NTM: variants seen among roughly 807,000 people sequenced by gnomAD.
The protein encoded by NTM is IgLON family member 2.
Under a neutral mutation model 42.1 loss-of-function variants are expected in NTM, and 13 were observed. The observed-to-expected ratio is 0.31, with a 90% confidence interval of 0.20 to 0.49. The LOEUF (loss-of-function observed/expected upper bound fraction) is 0.49. Among genes scored for constraint, NTM ranks in the 20% least tolerant of loss-of-function variants. The pLI, the probability that NTM is intolerant of heterozygous loss-of-function variation, is 0.99. For missense variants in NTM, 373 were observed against 452.8 expected (o/e 0.82, Z 1.60); for synonymous variants, 187 against 179.2 (o/e 1.04, Z -0.35).
chr11:132,236,465 A>T (rs2088920485), intron 4 of NTM, among the ~76,000 whole-genome samples: 1 of 152,164 alleles, frequency 6.6e-6, no homozygotes, highest in Non-Finnish European at 1.5e-5. Context: ...TCCAATTGTA[A>T]CTTGGGAGGA....
rs79530564 is a variant in NTM, at chr11:132,166,360, A to C, written c.400+19846A>C. Among the ~76,000 whole-genome samples, 281 of 152,254 alleles carry C rather than the reference A, an allele frequency of 1.8e-3. 5 individuals are homozygous for C. In the East Asian group the frequency reaches 0.052, roughly 28 times the overall value. On this transcript the variant is annotated intron_variant, in intron 3 of 8. Coordinates refer to ENST00000683400, the MANE Select transcript of NTM (RefSeq NM_001352005.2). ...GTCTGTTGCAGAAACCTCACCCACG[A>C]TAATCTAGAGATGGGTATGAATTAA... is the stretch of plus-strand genomic sequence containing the variant.
At chr11:131,775,968 T>G (rs943250308) in intron 1 of NTM, among the ~76,000 whole-genome samples, 4 of 152,172 alleles carry the variant, frequency 2.6e-5, no homozygotes, top group Admixed American at 6.5e-5. Context: ...GCTCATTGTG[T>G]TTCCAGCATC....
At chr11:131,411,576 TGTGTG>T (rs1946426519) in intron 1 of NTM, among the ~76,000 whole-genome samples, 1 of 148,858 alleles carries the variant, frequency 6.7e-6, no homozygotes, top group Non-Finnish European at 1.5e-5. Context: ...TGTGTGTGTG[TGTGTG>T]TGTGTGTACT....
At chr11:131,856,928 C>G (rs73583986) in intron 1 of NTM, among the ~76,000 whole-genome samples, 5,374 of 152,220 alleles carry the variant, frequency 0.035, 303 homozygotes, top group African/African-American at 0.12. Context: ...GGGCTGGCAG[C>G]CAGGTATACA....
At chr11:132,300,330 A>G (rs2094798014) in intron 4 of NTM, among the ~76,000 whole-genome samples, 1 of 152,214 alleles carries the variant, frequency 6.6e-6, no homozygotes, top group South Asian at 2.1e-4. Context: ...CTTTACTCAT[A>G]TTTAGTCATT....
chr11:131,553,821 G>C (rs904227519), intron 1 of NTM, among the ~76,000 whole-genome samples: 1 of 152,146 alleles, frequency 6.6e-6, no homozygotes, highest in African/African-American at 2.4e-5. Context: ...CCCATCACCT[G>C]TAAAGTCAAG....
intron 2 of NTM, among the ~76,000 whole-genome samples, chr11:132,092,801 A>C (rs2060524387): frequency 6.6e-6 from 1 of 152,230 alleles, no homozygotes; most frequent in African/African-American, 2.4e-5. Context: ...CCTTGCCAAG[A>C]GGATAAAACC....
At position 132,193,503 on chromosome 11, in the gene NTM, A is replaced by G. The variant is rs372982407; in HGVS notation, c.401-18519A>G. ...AAAAATAGATCAGAATATTTGGGACATAGTTAAACAGTGTTAAAAGGAAAG... is the reference window on the plus strand; with the variant it reads ...AAAAATAGATCAGAATATTTGGGACGTAGTTAAACAGTGTTAAAAGGAAAG... On this transcript the variant is annotated intron_variant, in intron 3 of 8. Transcript: ENST00000683400. Among the ~76,000 whole-genome samples the G allele has an allele frequency of 4.0e-4, 61 of 152,200 alleles. 3 individuals carry two copies. Among genetic ancestry groups the G allele is most frequent in the African/African-American group, 1.4e-3 (58 of 41,570 alleles).
chr11:131,646,500 A>T (rs1394960605), intron 1 of NTM, among the ~76,000 whole-genome samples: 5 of 152,220 alleles, frequency 3.3e-5, no homozygotes, highest in Non-Finnish European at 7.3e-5. Flanking sequence ...CTGCAAGTCA[A>T]TTATTTCTTT....
chr11:131,735,592 C>G (rs949482081), intron 1 of NTM, among the ~76,000 whole-genome samples: 1 of 152,192 alleles, frequency 6.6e-6, no homozygotes, highest in Non-Finnish European at 1.5e-5. Flanking sequence ...TATGCCCCGA[C>G]AAAGTGTTTT....
At chr11:131,545,418 A>G (rs1409316270) in intron 1 of NTM, among the ~76,000 whole-genome samples, 1 of 151,970 alleles carries the variant, frequency 6.6e-6, no homozygotes, top group Admixed American at 6.6e-5. Context: ...TAGTCACAAT[A>G]AAGAATTGAA....
chr11:131,391,070 A>G (rs1038439416), intron 1 of NTM, among the ~76,000 whole-genome samples: 1 of 152,144 alleles, frequency 6.6e-6, no homozygotes, highest in Non-Finnish European at 1.5e-5. Context: ...CACACTTACT[A>G]CACGTGTGCT....
chr11:131,495,267 T>G (rs1223983796), intron 1 of NTM, among the ~76,000 whole-genome samples: 1 of 152,180 alleles, frequency 6.6e-6, no homozygotes, highest in Non-Finnish European at 1.5e-5. Context: ...AATCCTGCTG[T>G]CGGTAGTCCT....
At chr11:132,216,578 T>C (rs1188646770) in intron 4 of NTM, among the ~76,000 whole-genome samples, 1 of 152,192 alleles carries the variant, frequency 6.6e-6, no homozygotes, top group Non-Finnish European at 1.5e-5. Context: ...CCCTGCAAGG[T>C]GTTCACAGAA....
intron 2 of NTM, among the ~76,000 whole-genome samples, chr11:132,035,012 T>C (rs912917723): frequency 7.2e-5 from 11 of 152,258 alleles, no homozygotes; most frequent in Non-Finnish European, 1.5e-5. Context: ...ATATTTCTGA[T>C]GTTTTTCTTC....
At chr11:131,952,878 C>T (rs993793060) in intron 2 of NTM, among the ~76,000 whole-genome samples, 4 of 152,194 alleles carry the variant, frequency 2.6e-5, no homozygotes, top group African/African-American at 9.7e-5. Flanking sequence ...TGCTATCTAT[C>T]ATGATAGGCC....
chr11:131,931,754 T>TG (rs1017642883), intron 2 of NTM, among the ~76,000 whole-genome samples: 1 of 151,476 alleles, frequency 6.6e-6, no homozygotes, highest in East Asian at 1.9e-4. Context: ...TGGCATGTGG[T>TG]GGGGGGTGGT....
intron 4 of NTM, among the ~76,000 whole-genome samples, chr11:132,226,657 G>A (rs1042469972): frequency 3.3e-5 from 5 of 152,120 alleles, no homozygotes; most frequent in South Asian, 2.1e-4. Flanking sequence ...GGGAGGGGGC[G>A]TAAAGATAGC....
intron 1 of NTM, among the ~76,000 whole-genome samples, chr11:131,902,922 G>A (rs532087358): frequency 3.9e-5 from 6 of 152,272 alleles, no homozygotes; most frequent in South Asian, 4.1e-4. Flanking sequence ...ATATGTATCC[G>A]TGTGTGTACA....
Sources: allele counts gnomAD v4.1 joint callset (sites outside exome capture counted in the v4.1 genomes callset), GRCh38; gene constraint gnomAD v4.1.1; transcripts MANE v1.5; gene names NCBI Gene and HGNC (gene_info 2026-07-23, HGNC 2026-07-21).